Variants in TMEM178B observed in about 807,000 individuals in gnomAD.
TMEM178B encodes transmembrane protein 178B.
A neutral mutation model predicts 31.0 loss-of-function variants in TMEM178B; 5 were observed. The observed-to-expected ratio is 0.16, with a 90% CI of 0.08 to 0.34. The LOEUF is 0.34. Ranked by LOEUF, TMEM178B falls within the 10% of genes least tolerant of loss-of-function variation. The pLI, the probability that TMEM178B is intolerant of heterozygous loss-of-function variation, is 1.00. For missense variants in TMEM178B, 275 were observed against 400.3 expected (o/e 0.69, Z 2.67); for synonymous variants, 164 against 164.0 (o/e 1.00, Z 0.00).
chr7:141,303,219 T>C (rs1798757288), intron 2 of TMEM178B, among the ~76,000 whole-genome samples: 1 of 152,168 alleles, frequency 6.6e-6, no homozygotes, highest in Non-Finnish European at 1.5e-5. Context: ...TCTTCAATCA[T>C]GTGACCGTGT....
At chr7:141,201,600 T>G (rs1796878179) in intron 1 of TMEM178B, among the ~76,000 whole-genome samples, 1 of 152,144 alleles carries the variant, frequency 6.6e-6, no homozygotes. Context: ...TTGCAGATGA[T>G]GAAATAGAGG....
intron 2 of TMEM178B, among the ~76,000 whole-genome samples, chr7:141,278,314 G>A (rs575807977): frequency 1.3e-5 from 2 of 152,358 alleles, no homozygotes; most frequent in South Asian, 4.1e-4. Context: ...GGGCACGGTG[G>A]CTCGCACCTG....
At chr7:141,177,567 G>A (rs1796453873) in intron 1 of TMEM178B, among the ~76,000 whole-genome samples, 1 of 152,120 alleles carries the variant, frequency 6.6e-6, no homozygotes, top group South Asian at 2.1e-4. Context: ...TACTATTATT[G>A]TGTGGGGGTC....
chr7:141,337,679 ATCTG>A (rs1249635265), intron 2 of TMEM178B, among the ~76,000 whole-genome samples: 1 of 152,190 alleles, frequency 6.6e-6, no homozygotes, highest in African/African-American at 2.4e-5. Flanking sequence ...GTGCTTTTGT[ATCTG>A]TCTGTGTGTC....
intron 1 of TMEM178B, among the ~76,000 whole-genome samples, chr7:141,075,912 T>G (rs1354070755): frequency 4.6e-5 from 7 of 152,226 alleles, no homozygotes; most frequent in Non-Finnish European, 1.5e-5. Flanking sequence ...GAAAAAATTG[T>G]TAATTTGCAA....
chr7:141,220,350 TAATAATAATAA>T (rs1311411411), intron 2 of TMEM178B, among the ~76,000 whole-genome samples: 835 of 82,968 alleles, frequency 0.01, 10 homozygotes, highest in African/African-American at 0.036. Flanking sequence ...ATAATAATAA[TAATAATAATAA>T]AATAATAAAT....
intron 2 of TMEM178B, among the ~76,000 whole-genome samples, chr7:141,236,728 A>G (rs917442619): frequency 6.6e-6 from 1 of 152,194 alleles, no homozygotes; most frequent in African/African-American, 2.4e-5. Flanking sequence ...AAAGCAGGAA[A>G]AAGAGGTGAT....
intron 2 of TMEM178B, among the ~76,000 whole-genome samples, chr7:141,272,208 T>C (rs6464442): frequency 0.43 from 65,837 of 152,032 alleles, 14,500 homozygotes; most frequent in East Asian, 0.67. Context: ...ATTTCCCATC[T>C]CCTGCAGTGG....
intron 1 of TMEM178B, among the ~76,000 whole-genome samples, chr7:141,130,312 T>G (rs1476519996): frequency 6.6e-6 from 1 of 152,148 alleles, no homozygotes; most frequent in Admixed American, 6.5e-5. Flanking sequence ...TAAATAAAAC[T>G]CATCTGATAA....
chr7:141,359,710 G>A lies in TMEM178B; in HGVS notation c.497-77898G>A, dbSNP rs138717987. 8.5e-5 allele frequency among the ~76,000 whole-genome samples: 13 copies of A among 152,208 alleles called. No individual in the cohort carries two copies. In the East Asian group the frequency reaches 9.7e-4, roughly 11 times the overall value. On this transcript the variant is annotated intron_variant, in intron 2 of 3. Coordinates refer to ENST00000565468, the MANE Select transcript of TMEM178B (RefSeq NM_001195278.2). ...AGTAGACTACATTTTTTGGCCAGTC[G>A]TATTCTTGAAATTCCTTCAGAACTC...
chr7:141,154,936 G>T (rs1398980990), intron 1 of TMEM178B, among the ~76,000 whole-genome samples: 2 of 151,952 alleles, frequency 1.3e-5, no homozygotes, highest in African/African-American at 4.8e-5. Flanking sequence ...CACCATATTG[G>T]CCAGGCTGGC....
chr7:141,219,107 G>T (rs1563121658), intron 2 of TMEM178B, among the ~76,000 whole-genome samples: 1 of 152,144 alleles, frequency 6.6e-6, no homozygotes, highest in Non-Finnish European at 1.5e-5. Context: ...CTGCTCAGAG[G>T]ATCACTCGAC....
chr7:141,391,376 G>C (rs1174933675), intron 2 of TMEM178B, among the ~76,000 whole-genome samples: 2 of 152,078 alleles, frequency 1.3e-5, no homozygotes, highest in African/African-American at 4.8e-5. Context: ...ATGTTGTTCA[G>C]AAGAGTCTCA....
chr7:141,231,668 C>T (rs938687606), intron 2 of TMEM178B, among the ~76,000 whole-genome samples: 3 of 152,238 alleles, frequency 2.0e-5, no homozygotes, highest in Admixed American at 1.3e-4. Flanking sequence ...CTTGCTGCTG[C>T]TTGGTGGAAA....
At chr7:141,387,216 G>A (rs2116597969) in intron 2 of TMEM178B, among the ~76,000 whole-genome samples, 1 of 152,274 alleles carries the variant, frequency 6.6e-6, no homozygotes, top group Non-Finnish European at 1.5e-5. Flanking sequence ...AGAGTTGGAA[G>A]GAGCTTAGAT....
At chr7:141,291,317 G>T (rs1043876944) in intron 2 of TMEM178B, among the ~76,000 whole-genome samples, 4 of 152,220 alleles carry the variant, frequency 2.6e-5, no homozygotes, top group Middle Eastern at 3.4e-3. Context: ...ACATCACCGT[G>T]TATCAGACTC....
At chr7:141,457,546 A>G (rs1482847220) in intron 3 of TMEM178B, among the ~76,000 whole-genome samples, 2 of 152,182 alleles carry the variant, frequency 1.3e-5, no homozygotes, top group African/African-American at 4.8e-5. Context: ...AAGAAAGAAT[A>G]GTGGTGATGT....
chr7:141,138,753 C>T (rs7789073), intron 1 of TMEM178B, among the ~76,000 whole-genome samples: 7,496 of 151,984 alleles, frequency 0.049, 640 homozygotes, highest in African/African-American at 0.17. Flanking sequence ...GAGGCTGAGG[C>T]GGGTGGATCA....
intron 2 of TMEM178B, among the ~76,000 whole-genome samples, chr7:141,278,561 G>A (rs1798304904): frequency 6.6e-6 from 1 of 151,852 alleles, no homozygotes; most frequent in Non-Finnish European, 1.5e-5. Flanking sequence ...CAGATTGGGT[G>A]ACAGAGCGAG....
Sources: gnomAD v4.1 joint callset for allele counts (sites outside exome capture counted in the v4.1 genomes callset) on GRCh38, gnomAD v4.1.1 for gene constraint, MANE v1.5 for transcripts, NCBI Gene and HGNC (gene_info 2026-07-23, HGNC 2026-07-21) for gene names.